The following ZPBP variants were observed in gnomAD, a reference collection of about 807,000 sequenced individuals.
The protein encoded by ZPBP is zona pellucida-binding protein 1.
ZPBP carries 26 observed loss-of-function variants against 44.8 expected under a neutral mutation model. The ratio of observed to expected loss-of-function variants is 0.58; its 90% CI spans 0.43 to 0.81. The LOEUF (loss-of-function observed/expected upper bound fraction) is 0.81. ZPBP is among the 30% of genes least tolerant of loss of function. ZPBP has a pLI of 0.00. For synonymous variants in ZPBP, 174 were observed against 153.2 expected, an observed-to-expected ratio of 1.14 and a Z score of -1.00; for missense variants, 409 against 434.0, an observed-to-expected ratio of 0.94 and a Z score of 0.51.
chr7:50,053,483 A>T (rs1233067767), intron 4 of ZPBP, among the ~76,000 whole-genome samples: 1 of 152,188 alleles, frequency 6.6e-6, no homozygotes, highest in African/African-American at 2.4e-5. Context: ...CTTGTGTATC[A>T]CTTACAGCCT....
chr7:50,031,638 T>G (rs998564715), intron 4 of ZPBP, among the ~76,000 whole-genome samples: 2 of 152,188 alleles, frequency 1.3e-5, no homozygotes, highest in Non-Finnish European at 2.9e-5. Flanking sequence ...TTACCGAGCC[T>G]GGTCCCAGAG....
chr7:50,088,318 A>G (rs1320644886), intron 2 of ZPBP, among the ~76,000 whole-genome samples: 1 of 152,086 alleles, frequency 6.6e-6, no homozygotes, highest in Non-Finnish European at 1.5e-5. Context: ...TAAAACTACA[A>G]CATTCTTATA....
At chr7:49,879,637 C>T (rs1791586762) in intron 2 of ZPBP, among the ~76,000 whole-genome samples, 1 of 152,158 alleles carries the variant, frequency 6.6e-6, no homozygotes, top group Admixed American at 6.5e-5. Flanking sequence ...TCTGTCCCAA[C>T]CCCAACTGGA....
chr7:49,975,187 C>G (rs1473261970), intron 7 of ZPBP, among the ~76,000 whole-genome samples: 2 of 152,100 alleles, frequency 1.3e-5, no homozygotes, highest in Non-Finnish European at 2.9e-5. Context: ...GAGCTCCTAC[C>G]CTCCTCAAGG....
intron 4 of ZPBP, among the ~76,000 whole-genome samples, chr7:50,032,515 G>A (rs944585746): frequency 2.6e-5 from 4 of 152,152 alleles, no homozygotes; most frequent in African/African-American, 7.2e-5. Flanking sequence ...ATACTCTTCT[G>A]AGTGTCCAGC....
chr7:49,878,590 G>C (rs1791542901), intron 2 of ZPBP, among the ~76,000 whole-genome samples: 1 of 152,066 alleles, frequency 6.6e-6, no homozygotes, highest in East Asian at 1.9e-4. Flanking sequence ...CTTTGTTTTT[G>C]TTCCAGCAGT....
At chr7:49,919,804 TCTGA>T (rs1042518895) in intron 1 of ZPBP, 4 of 152,284 alleles carry the variant, frequency 2.6e-5, no homozygotes, top group Non-Finnish European at 4.4e-5. Context: ...TCCCACCTGC[TCTGA>T]CTGTTTTCTC....
At chr7:49,998,422 C>G (rs2128792930) in intron 6 of ZPBP, among the ~76,000 whole-genome samples, 2 of 152,248 alleles carry the variant, frequency 1.3e-5, no homozygotes, top group Non-Finnish European at 2.9e-5. Flanking sequence ...CTGAGCTAAC[C>G]CTTTCCTTTT....
At chr7:49,967,112 T>C (rs563376205) in intron 7 of ZPBP, among the ~76,000 whole-genome samples, 1 of 152,238 alleles carries the variant, frequency 6.6e-6, no homozygotes, top group South Asian at 2.1e-4. Context: ...CCAGCCATAG[T>C]AATACTTCCA....
intron 4 of ZPBP, among the ~76,000 whole-genome samples, chr7:50,033,656 G>A (rs969999215): frequency 2.1e-5 from 3 of 141,130 alleles, no homozygotes; most frequent in South Asian, 2.3e-4. Flanking sequence ...CTATAATAAC[G>A]TCAATAATTA....
chr7:49,915,446 T>C (rs1483513302), intron 1 of ZPBP: 1 of 152,242 alleles, frequency 6.6e-6, no homozygotes, highest in African/African-American at 2.4e-5. Flanking sequence ...GTTCATAACA[T>C]CAATAATATG....
At chr7:49,963,425 T>C (rs1415255380) in intron 7 of ZPBP, among the ~76,000 whole-genome samples, 1 of 151,846 alleles carries the variant, frequency 6.6e-6, no homozygotes, top group East Asian at 1.9e-4. Flanking sequence ...TATAAAAACT[T>C]AACACATAAA....
intron 2 of ZPBP, among the ~76,000 whole-genome samples, chr7:49,887,197 A>T (rs1791941568): frequency 1.3e-5 from 2 of 152,250 alleles, no homozygotes; most frequent in Middle Eastern, 6.8e-3. Context: ...TCTCAATACT[A>T]CTGAACAGAT....
At chr7:49,927,914 G>A (rs920270232) in intron 1 of ZPBP, among the ~76,000 whole-genome samples, 3 of 152,158 alleles carry the variant, frequency 2.0e-5, no homozygotes, top group African/African-American at 7.2e-5. Flanking sequence ...TGTAGTCAGG[G>A]AAAGCAAATT....
chr7:49,871,022 T>A (rs1791126901), intron 2 of ZPBP, among the ~76,000 whole-genome samples: 1 of 152,088 alleles, frequency 6.6e-6, no homozygotes, highest in South Asian at 2.1e-4. Flanking sequence ...TGCAAAACCA[T>A]GAAAAGTATT....
chr7:49,930,195 G>A (rs1794400123), intron 1 of ZPBP, among the ~76,000 whole-genome samples: 1 of 152,190 alleles, frequency 6.6e-6, no homozygotes, highest in Non-Finnish European at 1.5e-5. Context: ...CCGAGGCCAG[G>A]AGGATGCTGC....
chr7:49,887,025 T>C lies in ZPBP; in HGVS notation n.509+14093A>G, dbSNP rs528593719. Among the ~76,000 whole-genome samples the C allele has an allele frequency of 4.6e-5, 7 of 152,352 alleles. No individual in the cohort carries two copies. In the South Asian group the frequency reaches 1.4e-3, roughly 32 times the overall value. Reference sequence around the variant, plus strand: ...TTCAAGGCAAATTTTAAGTACTTTTTTGCAGAAGATTTATTTTAAACCATC... The same window carrying C: ...TTCAAGGCAAATTTTAAGTACTTTTCTGCAGAAGATTTATTTTAAACCATC... On this transcript the variant is annotated intron_variant and non_coding_transcript_variant, in intron 2 of 2. Transcript: ENST00000465922.
chr7:49,969,385 A>C (rs1346550781), intron 7 of ZPBP, among the ~76,000 whole-genome samples: 2 of 151,280 alleles, frequency 1.3e-5, no homozygotes, highest in Non-Finnish European at 3.0e-5. Flanking sequence ...AAGAGAAAAT[A>C]TAACAAAACT....
intron 2 of ZPBP, among the ~76,000 whole-genome samples, chr7:50,085,670 GC>G (rs1409264232): frequency 2.0e-5 from 3 of 152,048 alleles, no homozygotes; most frequent in Non-Finnish European, 4.4e-5. Context: ...ACTGCACAAA[GC>G]CTTTTCCCCA....
Sources: allele counts gnomAD v4.1 joint callset (sites outside exome capture counted in the v4.1 genomes callset), GRCh38; gene constraint gnomAD v4.1.1; transcripts MANE v1.5; gene names NCBI Gene and HGNC (gene_info 2026-07-23, HGNC 2026-07-21).